PTPRM: variants seen among roughly 807,000 people sequenced by gnomAD.
PTPRM encodes receptor-type tyrosine-protein phosphatase mu.
A neutral mutation model predicts 186.7 loss-of-function variants in PTPRM; 47 were observed. That is an observed-to-expected ratio of 0.25 (90% confidence interval 0.20 to 0.32). The LOEUF is 0.32. PTPRM is among the 10% of genes least tolerant of loss of function. The probability of loss-of-function intolerance (pLI) is 1.00; values close to 1 mark genes in which losing one functional copy is unlikely to be tolerated. For missense variants in PTPRM, 1,494 were observed against 1,865.0 expected (o/e 0.80, Z 3.66); for synonymous variants, 668 against 674.9 (o/e 0.99, Z 0.16).
At chr18:7,633,515 A>G (rs1040977768) in intron 1 of PTPRM, among the ~76,000 whole-genome samples, 10 of 152,022 alleles carry the variant, frequency 6.6e-5, no homozygotes, top group Admixed American at 2.0e-4. Context: ...TCTTAGCATC[A>G]TGTGAACTCT....
At chr18:8,394,167 A>C (rs181094412) in intron 31 of PTPRM, among the ~76,000 whole-genome samples, 300 of 152,244 alleles carry the variant, frequency 2.0e-3, no homozygotes, top group African/African-American at 6.9e-3. Flanking sequence ...TCCTGGCAGA[A>C]CCTAAATAAG....
chr18:7,801,550 A>G (rs1469162779), intron 2 of PTPRM, among the ~76,000 whole-genome samples: 3 of 152,210 alleles, frequency 2.0e-5, no homozygotes, highest in East Asian at 1.9e-4. Context: ...TAGAAGGAGT[A>G]CACTCTAAAA....
chr18:7,761,229 A>T (rs1328743675), intron 1 of PTPRM, among the ~76,000 whole-genome samples: 2 of 152,186 alleles, frequency 1.3e-5, no homozygotes, highest in Admixed American at 6.5e-5. Flanking sequence ...TAGCTTCCTT[A>T]TTTAAAAAAT....
At chr18:8,286,506 T>C (rs77787786) in intron 19 of PTPRM, among the ~76,000 whole-genome samples, 172 of 152,364 alleles carry the variant, frequency 1.1e-3, no homozygotes, top group African/African-American at 4.0e-3. Flanking sequence ...TTTACTCTTG[T>C]AGACTAAGGC....
intron 7 of PTPRM, among the ~76,000 whole-genome samples, chr18:8,030,567 CTATTT>C (rs1600159949): frequency 6.6e-6 from 1 of 152,198 alleles, no homozygotes; most frequent in African/African-American, 2.4e-5. Context: ...GTTCATCTGT[CTATTT>C]TAGTATAATA....
intron 13 of PTPRM, among the ~76,000 whole-genome samples, chr18:8,130,294 T>A (rs1368899942): frequency 6.6e-6 from 1 of 152,156 alleles, no homozygotes; most frequent in African/African-American, 2.4e-5. Flanking sequence ...ATGGTGGAAC[T>A]GTTGAGTGAG....
At chr18:8,182,097 C>T (rs2093584095) in intron 14 of PTPRM, among the ~76,000 whole-genome samples, 1 of 152,114 alleles carries the variant, frequency 6.6e-6, no homozygotes, top group African/African-American at 2.4e-5. Flanking sequence ...CCTCATAAAC[C>T]CATCATATTG....
intron 1 of PTPRM, among the ~76,000 whole-genome samples, chr18:7,765,316 A>T (rs1227430488): frequency 1.3e-5 from 2 of 152,192 alleles, no homozygotes; most frequent in Non-Finnish European, 2.9e-5. Context: ...CTTATAATAG[A>T]GCATAGCATT....
At chr18:7,851,644 A>C (rs7505474) in intron 2 of PTPRM, among the ~76,000 whole-genome samples, 6 of 15,340 alleles carry the variant, frequency 3.9e-4, no homozygotes, top group African/African-American at 3.4e-3. Flanking sequence ...CAAAAAAACA[A>C]AAAAAAAAAC....
chr18:7,748,277 CT>C (rs932248598), intron 1 of PTPRM, among the ~76,000 whole-genome samples: 5 of 152,226 alleles, frequency 3.3e-5, no homozygotes, highest in Admixed American at 6.5e-5. Context: ...GCTTTAGTCA[CT>C]TTGAGTTTAA....
At chr18:7,606,843 A>G (rs1026170470) in intron 1 of PTPRM, among the ~76,000 whole-genome samples, 7 of 152,086 alleles carry the variant, frequency 4.6e-5, no homozygotes, top group African/African-American at 1.7e-4. Context: ...ATGCTGGAGG[A>G]AGCTCCGTTG....
At chr18:7,917,974 G>C (rs2050657142) in intron 4 of PTPRM, among the ~76,000 whole-genome samples, 1 of 151,978 alleles carries the variant, frequency 6.6e-6, no homozygotes, top group African/African-American at 2.4e-5. Context: ...TTAACATAAG[G>C]CCTTCCAGTA....
intron 2 of PTPRM, among the ~76,000 whole-genome samples, chr18:7,880,729 A>T (rs1390066829): frequency 6.6e-6 from 1 of 152,140 alleles, no homozygotes; most frequent in Admixed American, 6.5e-5. Flanking sequence ...TATTTCAGGA[A>T]ATTTCTGGAG....
chr18:7,810,837 C>G (rs1382368270), intron 2 of PTPRM, among the ~76,000 whole-genome samples: 1 of 152,158 alleles, frequency 6.6e-6, no homozygotes, highest in Non-Finnish European at 1.5e-5. Context: ...TTGAAACATA[C>G]AGATTTTACC....
At chr18:8,355,402 A>C (rs372781434) in intron 23 of PTPRM, among the ~76,000 whole-genome samples, 3 of 152,160 alleles carry the variant, frequency 2.0e-5, no homozygotes, top group Admixed American at 6.5e-5. Flanking sequence ...AGGCAACCAC[A>C]GGACCCTGGA....
At chr18:8,334,818 A>G (rs1052115613) in intron 22 of PTPRM, among the ~76,000 whole-genome samples, 2 of 151,774 alleles carry the variant, frequency 1.3e-5, no homozygotes, top group Non-Finnish European at 2.9e-5. Context: ...GCTCAGTGGG[A>G]GCCTTTGGAC....
chr18:7,728,543 G>A (rs549602506), intron 1 of PTPRM, among the ~76,000 whole-genome samples: 1 of 152,316 alleles, frequency 6.6e-6, no homozygotes, highest in East Asian at 1.9e-4. Flanking sequence ...AGGTAGTATT[G>A]GAAAAGACAA....
rs77688182 is a variant in PTPRM, at chr18:8,082,836, C to T, written c.1552-2835C>T. On this transcript the variant is annotated intron_variant, in intron 9 of 32. Transcript: ENST00000580170. Reference sequence around the variant, plus strand: ...CATACATGTGTGTCCACCTGACTGCCGTGGGCATTTCCAACTTAGTATGTC... The same window carrying T: ...CATACATGTGTGTCCACCTGACTGCTGTGGGCATTTCCAACTTAGTATGTC... Among the ~76,000 whole-genome samples the T allele has an allele frequency of 7.4e-4, 112 of 152,148 alleles. No homozygotes were observed. In the East Asian group the frequency reaches 0.016, roughly 22 times the overall value.
At chr18:7,860,396 T>C (rs1414915968) in intron 2 of PTPRM, among the ~76,000 whole-genome samples, 1 of 152,080 alleles carries the variant, frequency 6.6e-6, no homozygotes, top group Non-Finnish European at 1.5e-5. Context: ...AGTTTTTCTT[T>C]TAGTTTGGGA....
Sources: gnomAD v4.1 joint callset for allele counts (sites outside exome capture counted in the v4.1 genomes callset) on GRCh38, gnomAD v4.1.1 for gene constraint, MANE v1.5 for transcripts, NCBI Gene and HGNC (gene_info 2026-07-23, HGNC 2026-07-21) for gene names.